The following SHROOM3 variants were observed in gnomAD, a reference collection of about 807,000 sequenced individuals.
SHROOM3 encodes protein Shroom3.
In SHROOM3, 47 loss-of-function variants were observed where a neutral mutation model predicts 138.6. That is an observed-to-expected ratio of 0.34 (90% confidence interval 0.27 to 0.43). The LOEUF (loss-of-function observed/expected upper bound fraction) is 0.43. Among genes scored for constraint, SHROOM3 ranks in the 20% least tolerant of loss-of-function variants. SHROOM3 has a pLI of 1.00. For synonymous variants in SHROOM3, 1,062 were observed against 1,063.3 expected (o/e 1.00, Z 0.02); for missense variants, 2,491 against 2,596.5 (o/e 0.96, Z 0.88).
At chr4:76,494,136 C>G (rs138109139) in intron 1 of SHROOM3, among the ~76,000 whole-genome samples, 2 of 148,922 alleles carry the variant, frequency 1.3e-5, no homozygotes, top group African/African-American at 4.9e-5. Flanking sequence ...CAATTAATAT[C>G]TGCTGGTGTG....
At chr4:76,681,455 T>TAA (rs535374678) in intron 2 of SHROOM3, among the ~76,000 whole-genome samples, 2 of 145,320 alleles carry the variant, frequency 1.4e-5, no homozygotes. Flanking sequence ...ACTGTTTCTT[T>TAA]AAAAAAAAAA....
intron 1 of SHROOM3, among the ~76,000 whole-genome samples, chr4:76,499,460 A>C (rs1732044355): frequency 6.6e-6 from 1 of 152,160 alleles, no homozygotes; most frequent in African/African-American, 2.4e-5. Context: ...GGATTTTAAA[A>C]TGTCAACCAA....
At chr4:76,610,875 G>T (rs1335844444) in intron 2 of SHROOM3, among the ~76,000 whole-genome samples, 2 of 152,090 alleles carry the variant, frequency 1.3e-5, no homozygotes, top group Admixed American at 1.3e-4. Context: ...ACCCAGCTGG[G>T]GGGTTAAGAT....
At chr4:76,558,800 T>C (rs950421005) in intron 2 of SHROOM3, among the ~76,000 whole-genome samples, 35 of 152,228 alleles carry the variant, frequency 2.3e-4, no homozygotes, top group Admixed American at 6.5e-4. Flanking sequence ...GGAGTTTGCA[T>C]AGTGATTTCC....
At position 76,453,443 on chromosome 4, in the gene SHROOM3, TA is replaced by T. The variant is rs375022830; in HGVS notation, c.168+17224del. On this transcript the variant is annotated intron_variant, in intron 1 of 10. Transcript: ENST00000296043. Reference sequence around the variant, plus strand: ...ACAGATGCATGCCACAACACCTGGCTATTTTTTTTCATTTTTTGTAGTGATG... The same window carrying T: ...ACAGATGCATGCCACAACACCTGGCTTTTTTTTTCATTTTTTGTAGTGATG... Among the ~76,000 whole-genome samples the T allele has an allele frequency of 5.9e-5, 9 of 152,064 alleles. No individual in the cohort carries two copies. In the East Asian group the frequency reaches 1.7e-3, roughly 30 times the overall value.
chr4:76,777,075 T>C (rs547524304), intron 10 of SHROOM3, among the ~76,000 whole-genome samples: 30 of 152,324 alleles, frequency 2.0e-4, no homozygotes, highest in African/African-American at 5.8e-4. Flanking sequence ...GCTTTGGCTA[T>C]GCGGGCTCTT....
chr4:76,538,925 C>T (rs974894705), intron 1 of SHROOM3, among the ~76,000 whole-genome samples: 5 of 152,160 alleles, frequency 3.3e-5, no homozygotes, highest in African/African-American at 1.2e-4. Flanking sequence ...TCCTTGATCA[C>T]TGTCATCATA....
chr4:76,440,883 T>A (rs1730654512), intron 1 of SHROOM3, among the ~76,000 whole-genome samples: 1 of 152,074 alleles, frequency 6.6e-6, no homozygotes. Context: ...CACTGTCACC[T>A]CTCCTTCTCC....
At position 76,740,131 on chromosome 4, in the gene SHROOM3, G is replaced by T. The variant is rs766823574; in HGVS notation, c.1958G>T (p.Gly653Val). The T allele has an allele frequency of 4.3e-6, 7 of 1,613,826 alleles. No homozygotes were observed. The highest frequency in any genetic ancestry group is 5.9e-6 in the Non-Finnish European group (7 of 1,180,034). The part of the protein sequence containing the change: ...EREGLGQSLS[G>V]NFGKTKSAFS... ...GAAGGCCTAGGCCAGAGCCTGTCAG[G>T]CAACTTTGGCAAGACCAAGTCAGCC... Residue 653 changes from glycine (G) to valine (V), a missense_variant, in exon 5 of 11, where the codon GGC becomes GTC. Physicochemically the swap from Gly to Val is moderately radical, Grantham distance 109. Coordinates refer to ENST00000296043, the MANE Select transcript of SHROOM3 (RefSeq NM_020859.4). This position sits in a 1 kb window ranked among gnomAD's most constrained non-coding sequence, Gnocchi z 4.0.
intron 2 of SHROOM3, among the ~76,000 whole-genome samples, chr4:76,691,915 A>AG (rs2110108330): frequency 6.6e-6 from 1 of 152,250 alleles, no homozygotes; most frequent in Admixed American, 6.5e-5. Context: ...AGCAGTGCTG[A>AG]GGTTTTGCTG....
At chr4:76,719,663 A>G (rs1720476792) in intron 3 of SHROOM3, among the ~76,000 whole-genome samples, 1 of 151,686 alleles carries the variant, frequency 6.6e-6, no homozygotes, top group Non-Finnish European at 1.5e-5. Flanking sequence ...TATTGGGGAA[A>G]AAAACATTTC....
intron 1 of SHROOM3, among the ~76,000 whole-genome samples, chr4:76,462,671 T>TCTCTCC (rs1224348152): frequency 6.6e-6 from 1 of 151,112 alleles, no homozygotes. Flanking sequence ...CTTTGTTCTC[T>TCTCTCC]CTCTCCCTCT....
rs139063499 is a variant in SHROOM3, at chr4:76,486,465, G to C, written c.168+50245G>C. ...CATGAGTGTTGACAATACCTGTTGG[G>C]AATAAACCCTGTAGCCTGGCTGACC... On this transcript the variant is annotated intron_variant, in intron 1 of 10. Transcript: ENST00000296043. Among the ~76,000 whole-genome samples the C allele has an allele frequency of 7.3e-3, 1,104 of 152,270 alleles. 8 individuals are homozygous for C. Among genetic ancestry groups the C allele is most frequent in the Admixed American group, 0.011 (168 of 15,292 alleles).
intron 1 of SHROOM3, among the ~76,000 whole-genome samples, chr4:76,440,407 C>T (rs911473483): frequency 1.3e-5 from 2 of 152,200 alleles, no homozygotes; most frequent in African/African-American, 2.4e-5. Context: ...CCATTGCCTA[C>T]TGAACATTTG....
chr4:76,547,879 G>A lies in SHROOM3; in HGVS notation c.169-7730G>A, dbSNP rs572719284. Reference sequence around the variant, plus strand: ...CAGGAAGCAGAGGTTGCAGTGAGCCGAGATTGCATCACTGCACTCCAGCCT... The same window carrying A: ...CAGGAAGCAGAGGTTGCAGTGAGCCAAGATTGCATCACTGCACTCCAGCCT... On this transcript the variant is annotated intron_variant, in intron 1 of 10. Coordinates refer to ENST00000296043, the MANE Select transcript of SHROOM3 (RefSeq NM_020859.4). Among the ~76,000 whole-genome samples, 291 of 151,542 alleles carry A rather than the reference G, an allele frequency of 1.9e-3. 1 individual carries two copies. Among genetic ancestry groups the A allele is most frequent in the African/African-American group, 6.7e-3 (275 of 41,282 alleles).
At position 76,502,047 on chromosome 4, in the gene SHROOM3, T is replaced by C. The variant is rs565745182; in HGVS notation, c.169-53562T>C. 7.2e-5 allele frequency among the ~76,000 whole-genome samples: 11 copies of C among 152,240 alleles called. No homozygotes were observed. The East Asian group carries it at 2.1e-3, about 29-fold the overall frequency. ...GGCTCTACCCTCATGAATGAATTAATCCATTGATGGATTAATGGGTTATTA... is the reference window on the plus strand; with the variant it reads ...GGCTCTACCCTCATGAATGAATTAACCCATTGATGGATTAATGGGTTATTA... On this transcript the variant is annotated intron_variant, in intron 1 of 10. Transcript: ENST00000296043.
intron 10 of SHROOM3, among the ~76,000 whole-genome samples, chr4:76,772,103 C>CTTTTTTTTTTTTT (rs35590411): frequency 2.4e-5 from 3 of 125,140 alleles, no homozygotes; most frequent in Non-Finnish European, 5.0e-5. Context: ...TTTTCTTTTT[C>CTTTTTTTTTTTTT]TTTTTTTTTT....
intron 3 of SHROOM3, among the ~76,000 whole-genome samples, chr4:76,728,972 C>T (rs1343677739): frequency 1.3e-5 from 2 of 152,146 alleles, no homozygotes; most frequent in Admixed American, 1.3e-4. Context: ...CATCATTTAC[C>T]ATCCTTCTTT....
intron 2 of SHROOM3, among the ~76,000 whole-genome samples, chr4:76,615,995 C>T (rs1275821132): frequency 6.6e-6 from 1 of 151,986 alleles, no homozygotes; most frequent in African/African-American, 2.4e-5. Flanking sequence ...TTGAAAAGAC[C>T]AGTATGGGAA....
Sources: gnomAD v4.1 joint callset for allele counts (sites outside exome capture counted in the v4.1 genomes callset) on GRCh38, gnomAD v4.1.1 for gene constraint, Gnocchi (gnomAD v3.1) non-coding constraint, MANE v1.5 for transcripts, NCBI Gene and HGNC (gene_info 2026-07-23, HGNC 2026-07-21) for gene names.